EYS: variants seen among roughly 807,000 people sequenced by gnomAD.
EYS encodes EGF-like photoreceptor maintenance factor, also known as protein eyes shut homolog.
EYS carries 250 observed loss-of-function variants against 282.1 expected under a neutral mutation model. That is an observed-to-expected ratio of 0.89 (90% CI 0.80 to 0.98). EYS has a LOEUF of 0.98. EYS is among the 50% of genes least tolerant of loss of function. The pLI is 0.00. For missense variants in EYS, 4,016 were observed against 3,709.0 expected, an observed-to-expected ratio of 1.08 and a Z score of -2.15; for synonymous variants, 1,355 against 1,282.9, an observed-to-expected ratio of 1.06 and a Z score of -1.20.
chr6:65,376,704 A>T (rs1303038424), intron 8 of EYS, among the ~76,000 whole-genome samples: 1 of 152,146 alleles, frequency 6.6e-6, no homozygotes, highest in Non-Finnish European at 1.5e-5. Context: ...GGAAAGCAAA[A>T]AAAGCAGGGG....
intron 8 of EYS, among the ~76,000 whole-genome samples, chr6:65,363,565 T>G (rs928327146): frequency 1.2e-4 from 18 of 151,904 alleles, no homozygotes; most frequent in African/African-American, 4.3e-4. Context: ...TTGATAACGT[T>G]GCCATCTCAG....
chr6:65,669,112 T>C (rs1768295355), intron 1 of EYS, among the ~76,000 whole-genome samples: 1 of 152,006 alleles, frequency 6.6e-6, no homozygotes, highest in Non-Finnish European at 1.5e-5. Context: ...TTTCTTGGTA[T>C]ATAATCATTC....
At chr6:64,511,974 T>C (rs1054477292) in intron 26 of EYS, among the ~76,000 whole-genome samples, 3 of 152,094 alleles carry the variant, frequency 2.0e-5, no homozygotes, top group African/African-American at 7.2e-5. Flanking sequence ...AGACCATCAA[T>C]AGTTCCTGCT....
intron 12 of EYS, among the ~76,000 whole-genome samples, chr6:65,201,229 G>T (rs1765892481): frequency 6.6e-6 from 1 of 151,868 alleles, no homozygotes; most frequent in Non-Finnish European, 1.5e-5. Flanking sequence ...GCTGGCTGCA[G>T]AAAAAAATAT....
At chr6:65,078,968 G>GCAAAAGCTT (rs1187599836) in intron 12 of EYS, among the ~76,000 whole-genome samples, 1 of 151,592 alleles carries the variant, frequency 6.6e-6, no homozygotes, top group Non-Finnish European at 1.5e-5. Context: ...CCTGCCATGA[G>GCAAAAGCTT]CAAAAGCTTC....
At chr6:65,207,705 A>G (rs1462003396) in intron 12 of EYS, among the ~76,000 whole-genome samples, 1 of 151,734 alleles carries the variant, frequency 6.6e-6, no homozygotes, top group African/African-American at 2.4e-5. Context: ...AAGTGTAGAC[A>G]ACCTAAAAGT....
intron 12 of EYS, among the ~76,000 whole-genome samples, chr6:65,282,380 C>T (rs1455063909): frequency 4.6e-5 from 7 of 151,848 alleles, no homozygotes; most frequent in Non-Finnish European, 4.4e-5. Context: ...CAACAAATTT[C>T]TAACAATATA....
intron 2 of EYS, among the ~76,000 whole-genome samples, chr6:65,590,244 A>G (rs995775772): frequency 3.3e-5 from 5 of 152,066 alleles, no homozygotes; most frequent in African/African-American, 1.2e-4. Flanking sequence ...TACCCAATGA[A>G]GCAATGTGCA....
chr6:65,667,856 T>C (rs1768253038), intron 1 of EYS, among the ~76,000 whole-genome samples: 1 of 151,876 alleles, frequency 6.6e-6, no homozygotes, highest in African/African-American at 2.4e-5. Context: ...GATATGCTAA[T>C]ATGAAGATGC....
At chr6:65,589,683 T>C (rs1245600224) in intron 2 of EYS, among the ~76,000 whole-genome samples, 1 of 152,042 alleles carries the variant, frequency 6.6e-6, no homozygotes, top group African/African-American at 2.4e-5. Context: ...CTAGATTGTA[T>C]ACTTAAAAAA....
intron 12 of EYS, among the ~76,000 whole-genome samples, chr6:65,134,232 T>C (rs1397104253): frequency 6.6e-6 from 1 of 151,930 alleles, no homozygotes; most frequent in Non-Finnish European, 1.5e-5. Context: ...AGAAACAGAA[T>C]TATCATTTGA....
At chr6:65,203,182 G>C (rs1582013133) in intron 12 of EYS, among the ~76,000 whole-genome samples, 1 of 152,132 alleles carries the variant, frequency 6.6e-6, no homozygotes, top group Admixed American at 6.5e-5. Flanking sequence ...CTACTGGCTA[G>C]GAGGTCAAAC....
At chr6:63,735,804 A>C (rs1247058965) in intron 41 of EYS, among the ~76,000 whole-genome samples, 1 of 151,926 alleles carries the variant, frequency 6.6e-6, no homozygotes, top group East Asian at 1.9e-4. Context: ...ATGTCTCTTC[A>C]TATTTCTTCA....
At chr6:64,498,369 C>A (rs1170819705) in intron 26 of EYS, among the ~76,000 whole-genome samples, 4 of 152,128 alleles carry the variant, frequency 2.6e-5, no homozygotes, top group Admixed American at 2.6e-4. Context: ...CTGCTCTTAT[C>A]TACTGGTATG....
chr6:64,754,921 A>G (rs2149973018), intron 22 of EYS, among the ~76,000 whole-genome samples: 1 of 152,306 alleles, frequency 6.6e-6, no homozygotes, highest in Non-Finnish European at 1.5e-5. Context: ...TATTCAACAC[A>G]ATAATGGAAG....
chr6:64,396,088 A>G (rs1582699365), intron 28 of EYS, among the ~76,000 whole-genome samples: 2 of 152,074 alleles, frequency 1.3e-5, no homozygotes, highest in Admixed American at 6.6e-5. Flanking sequence ...ACACACGCAC[A>G]CACATACTCT....
At chr6:64,937,188 T>C (rs891010017) in intron 15 of EYS, among the ~76,000 whole-genome samples, 57 of 151,514 alleles carry the variant, frequency 3.8e-4, no homozygotes, top group African/African-American at 1.3e-3. Flanking sequence ...GCTAAAAATA[T>C]AAAGTTTATA....
chr6:65,435,539 GTTAACT>G (rs1181436992), intron 5 of EYS, among the ~76,000 whole-genome samples: 14 of 151,928 alleles, frequency 9.2e-5, no homozygotes, highest in Admixed American at 7.2e-4. Context: ...AGATTAAATT[GTTAACT>G]TTAAAGTTAA....
At chr6:65,614,351 C>T (rs1292644317) in intron 2 of EYS, among the ~76,000 whole-genome samples, 1 of 151,916 alleles carries the variant, frequency 6.6e-6, no homozygotes, top group African/African-American at 2.4e-5. Flanking sequence ...TGTCTGGGGT[C>T]AAAGCTTTAA....
Sources: allele counts gnomAD v4.1 joint callset (sites outside exome capture counted in the v4.1 genomes callset), GRCh38; gene constraint gnomAD v4.1.1; transcripts MANE v1.5; gene names NCBI Gene and HGNC (gene_info 2026-07-23, HGNC 2026-07-21).